LARGE1: variants seen among roughly 807,000 people sequenced by gnomAD.
LARGE1 encodes LARGE xylosyl- and glucuronyltransferase 1, also known as xylosyl- and glucuronyltransferase LARGE1.
In LARGE1, 43 loss-of-function variants were observed where a neutral mutation model predicts 87.6. The observed-to-expected ratio is 0.49, with a 90% CI of 0.38 to 0.63. The LOEUF (loss-of-function observed/expected upper bound fraction) is 0.63. LARGE1 is among the 30% of genes least tolerant of loss of function. LARGE1 has a pLI of 0.00. For missense variants in LARGE1, 802 were observed against 1,000.2 expected (o/e 0.80, Z 2.67); for synonymous variants, 434 against 394.6 (o/e 1.10, Z -1.18).
the LARGE1 span, among the ~76,000 whole-genome samples, chr22:33,132,051 T>C: frequency 1.3e-5 from 2 of 151,394 alleles, no homozygotes; most frequent in Non-Finnish European, 2.9e-5. Flanking sequence ...ACCCCTATGA[T>C]TCAATCACCT....
rs77266077 is a variant in LARGE1 at position 33,622,504 on chromosome 22, C to T, written c.491+3740G>A. Among the ~76,000 whole-genome samples the T allele has an allele frequency of 8.9e-3, 1,363 of 152,316 alleles. 20 individuals are homozygous for T. Among genetic ancestry groups the T allele is most frequent in the African/African-American group, 0.031 (1,281 of 41,550 alleles). ...TTATAGTAGTATGAAAATGGACTAA[C>T]ACAGGTGCTAAGCCAAAATGTTATA... On this transcript the variant is annotated intron_variant, in intron 4 of 14. Transcript: ENST00000397394.
Position 33,657,889 on chromosome 22 carries a change from G to A in LARGE1, c.107-7221C>T, listed in dbSNP as rs1472013797. On this transcript the variant is annotated intron_variant, in intron 2 of 14. Transcript: ENST00000397394. ...TCTGCATCGTCTCATTTTAATTTAT[G>A]CAACGCTGTCATGAAGTGGGTATTC... Among the ~76,000 whole-genome samples, 5 of 151,910 alleles carry A rather than the reference G, an allele frequency of 3.3e-5. No homozygotes were observed. The East Asian group carries it at 5.8e-4, about 18-fold the overall frequency.
chr22:33,544,948 G>A (rs982600563), intron 6 of LARGE1, among the ~76,000 whole-genome samples: 1 of 152,150 alleles, frequency 6.6e-6, no homozygotes, highest in Non-Finnish European at 1.5e-5. Context: ...GAGATATGGT[G>A]TTCAACAGAA....
intron 2 of LARGE1, chr22:33,724,730 T>C (rs973649974): frequency 2.0e-5 from 3 of 151,930 alleles, no homozygotes; most frequent in Admixed American, 1.3e-4. Context: ...CATTCATTCA[T>C]TCGGCAATTA....
chr22:33,434,586 A>G (rs1394341810), intron 6 of LARGE1, among the ~76,000 whole-genome samples: 3 of 152,210 alleles, frequency 2.0e-5, no homozygotes, highest in Non-Finnish European at 4.4e-5. Context: ...AGCGTGAGCC[A>G]CTGCGCCCAG....
At chr22:33,276,292 T>C (rs2145822471) in intron 14 of LARGE1, among the ~76,000 whole-genome samples, 1 of 152,340 alleles carries the variant, frequency 6.6e-6, no homozygotes, top group South Asian at 2.1e-4. Flanking sequence ...TGCTTTTGTT[T>C]GTTTAACACA....
chr22:33,312,136 TAC>T (rs1466478901), intron 11 of LARGE1, among the ~76,000 whole-genome samples: 1 of 152,174 alleles, frequency 6.6e-6, no homozygotes, highest in East Asian at 1.9e-4. Flanking sequence ...AGGATAATGA[TAC>T]AGTTACCACT....
intron 7 of LARGE1, among the ~76,000 whole-genome samples, chr22:33,418,230 A>G (rs1203356668): frequency 6.6e-6 from 1 of 152,174 alleles, no homozygotes; most frequent in Non-Finnish European, 1.5e-5. Flanking sequence ...TACAGTCGTG[A>G]GCCACTGCAG....
intron 2 of LARGE1, among the ~76,000 whole-genome samples, chr22:33,731,654 T>C (rs1003090971): frequency 1.3e-5 from 2 of 152,166 alleles, no homozygotes; most frequent in African/African-American, 4.8e-5. Context: ...ACAGAGCCTA[T>C]AGTTAACAAT....
Position 33,299,779 on chromosome 22 carries a change from G to A in LARGE1, c.1730+4450C>T, listed in dbSNP as rs368958241. 4.6e-5 allele frequency among the ~76,000 whole-genome samples: 7 copies of A among 152,318 alleles called. No homozygotes were observed. In the East Asian group the frequency reaches 1.2e-3, roughly 25 times the overall value. ...AGTGTTGTGGAACCTGGCTTCAAAG[G>A]CAAGTCTGCGCAACCTCTGCCATGC... On this transcript the variant is annotated intron_variant, in intron 12 of 14. Transcript: ENST00000397394.
chr22:33,591,029 CG>C (rs1329409896), intron 5 of LARGE1, among the ~76,000 whole-genome samples: 1 of 152,120 alleles, frequency 6.6e-6, no homozygotes, highest in East Asian at 1.9e-4. Flanking sequence ...GGCAAAACCC[CG>C]TCTCTACTAA....
intron 6 of LARGE1, among the ~76,000 whole-genome samples, chr22:33,521,544 A>G (rs546971439): frequency 1.4e-4 from 22 of 152,242 alleles, no homozygotes; most frequent in African/African-American, 5.1e-4. Flanking sequence ...TCATGCTCAT[A>G]CCATTACATT....
At chr22:33,520,809 G>A (rs777762098) in intron 6 of LARGE1, among the ~76,000 whole-genome samples, 9 of 152,210 alleles carry the variant, frequency 5.9e-5, no homozygotes, top group South Asian at 2.1e-4. Flanking sequence ...AAAAGAAAGC[G>A]TGGAGTGGCT....
At chr22:33,206,630 CCATATGGAAAG>C (rs1239729510) in intron 11 of LARGE1, among the ~76,000 whole-genome samples, 2 of 152,166 alleles carry the variant, frequency 1.3e-5, no homozygotes, top group African/African-American at 4.8e-5. Context: ...CAGAAAGAAA[CCATATGGAAAG>C]CATAGCACAG....
At chr22:33,669,319 C>T (rs1019198399) in intron 2 of LARGE1, among the ~76,000 whole-genome samples, 2 of 152,184 alleles carry the variant, frequency 1.3e-5, no homozygotes, top group Admixed American at 1.3e-4. Context: ...AGTGGAGATG[C>T]ACAGGACTTC....
At chr22:33,596,353 T>C (rs1049196965) in intron 5 of LARGE1, among the ~76,000 whole-genome samples, 5 of 152,246 alleles carry the variant, frequency 3.3e-5, no homozygotes, top group African/African-American at 1.2e-4. Context: ...TGCTTTTCCA[T>C]GTCCATTCTG....
chr22:33,676,603 T>C (rs7284330), intron 2 of LARGE1, among the ~76,000 whole-genome samples: 3,456 of 148,900 alleles, frequency 0.023, 134 homozygotes, highest in African/African-American at 0.079. Context: ...AAAAAAAAAA[T>C]AAGAAAATCA....
chr22:33,486,613 A>G (rs1163603225), intron 6 of LARGE1, among the ~76,000 whole-genome samples: 3 of 152,192 alleles, frequency 2.0e-5, no homozygotes, highest in African/African-American at 7.2e-5. Context: ...TCAGAGAGAA[A>G]GAGAAAAAAA....
chr22:33,921,737 C>A (rs555067757), upstream of LARGE1, among the ~76,000 whole-genome samples: 1 of 152,254 alleles, frequency 6.6e-6, no homozygotes, highest in South Asian at 2.1e-4. The surrounding 1 kb of genome is among the most constrained non-coding windows in gnomAD (Gnocchi z 4.1). Context: ...TCCCTCTTGG[C>A]ATAAGAACCC....
Sources: gnomAD v4.1 joint callset for allele counts (sites outside exome capture counted in the v4.1 genomes callset) on GRCh38, gnomAD v4.1.1 for gene constraint, Gnocchi (gnomAD v3.1) non-coding constraint, MANE v1.5 for transcripts, NCBI Gene and HGNC (gene_info 2026-07-23, HGNC 2026-07-21) for gene names.